Variants in VRK3 observed in about 807,000 individuals in gnomAD.
The protein encoded by VRK3 is VRK serine/threonine kinase 3, also known as serine/threonine-protein kinase VRK3.
Under a neutral mutation model 60.4 loss-of-function variants are expected in VRK3, and 50 were observed. The ratio of observed to expected loss-of-function variants is 0.83; its 90% CI spans 0.66 to 1.05. VRK3 has a LOEUF of 1.05. Among genes scored for constraint, VRK3 ranks in the 50% least tolerant of loss-of-function variants. VRK3 has a pLI of 0.00. For synonymous variants in VRK3, 246 were observed against 227.8 expected (o/e 1.08, Z -0.72); for missense variants, 549 against 585.3 (o/e 0.94, Z 0.64).
chr19:49,990,281 A>T (rs1457770583), intron 10 of VRK3, among the ~76,000 whole-genome samples: 1 of 152,224 alleles, frequency 6.6e-6, no homozygotes, highest in Non-Finnish European at 1.5e-5. Flanking sequence ...TGATGATAAT[A>T]ATAGTCCCCA....
chr19:49,988,479 G>T lies in VRK3; in HGVS notation c.1110C>A (p.Arg370=), dbSNP rs2076554938. ...DLHKGCGPSR[R]SDLQSLGYCM... Reference sequence around the variant, plus strand: ...AGTAGCCCAGGCTCTGGAGGTCGCTGCGGCGGGAGGGCCCTGGGGAAGGAG... The same window carrying T: ...AGTAGCCCAGGCTCTGGAGGTCGCTTCGGCGGGAGGGCCCTGGGGAAGGAG... Residue 370 remains arginine, a synonymous_variant, in exon 12 of 15, where the codon CGC becomes CGA. Transcript: ENST00000316763. 4.3e-6 allele frequency: 7 copies of T among 1,613,268 alleles called. No homozygotes were observed. The highest frequency in any genetic ancestry group is 5.1e-6 in the Non-Finnish European group (6 of 1,179,568).
chr19:50,013,841 T>C (rs1025071009), intron 3 of VRK3, among the ~76,000 whole-genome samples: 7 of 152,138 alleles, frequency 4.6e-5, no homozygotes, highest in African/African-American at 9.7e-5. Context: ...ATGTATTTAA[T>C]AGGGTTGAGA....
At chr19:50,016,854 T>C (rs1247397534) in intron 2 of VRK3, among the ~76,000 whole-genome samples, 2 of 141,472 alleles carry the variant, frequency 1.4e-5, no homozygotes, top group Non-Finnish European at 2.9e-5. Context: ...GCAGTTTGTA[T>C]TGCCCTTCAT....
chr19:49,995,123 TG>T, intron 8 of VRK3, 67 bp downstream of exon 8: 1 of 1,544,978 alleles, frequency 6.5e-7, no homozygotes, highest in Non-Finnish European at 8.9e-7. Context: ...GTCCCAGCCA[TG>T]CCTGGAGTCA....
At chr19:49,986,452 G>A (rs1250339618) in intron 12 of VRK3, 1 of 153,138 alleles carries the variant, frequency 6.5e-6, no homozygotes, top group Non-Finnish European at 1.5e-5. Context: ...GCTGAAGAGA[G>A]CCAGAGACAG....
rs3837939 is a variant in VRK3, at chr19:49,978,064, GC to G, written c.*11+1018del. Among the ~76,000 whole-genome samples the G allele has an allele frequency of 7.7e-3, 1,173 of 152,330 alleles. 67 individuals are homozygous for G. The East Asian group carries it at 0.17, about 22-fold the overall frequency. ...GTCAAAAGGAGATGCTGTTCAAGAT[GC>G]CCTGCGACTAGGATCTCACAATCGT... On this transcript the variant is annotated intron_variant, in intron 14 of 14. Coordinates refer to ENST00000316763, the MANE Select transcript of VRK3 (RefSeq NM_016440.4).
chr19:49,980,853 TAA>T, intron 13 of VRK3, 100 bp downstream of exon 13: 1 of 1,050,890 alleles, frequency 9.5e-7, no homozygotes. Context: ...TTTGGAAAAC[TAA>T]AAAAAATGAA....
intron 1 of VRK3, among the ~76,000 whole-genome samples, chr19:50,024,604 C>T (rs954245381): frequency 3.9e-5 from 6 of 152,290 alleles, no homozygotes; most frequent in African/African-American, 1.4e-4. Context: ...GCTATAATAA[C>T]CTGGGCTTGA....
chr19:49,981,217 T>C, intron 12 of VRK3: 1 of 605,052 alleles, frequency 1.7e-6, no homozygotes, highest in Non-Finnish European at 3.0e-6. Flanking sequence ...CACTGCTTCC[T>C]GCAAGCCTCT....
chr19:49,995,154 G>C, intron 8 of VRK3, 37 bp downstream of exon 8: 3 of 1,603,826 alleles, frequency 1.9e-6, no homozygotes. Context: ...GAAGAGGAAA[G>C]AGGCCGGTGA....
intron 6 of VRK3, chr19:50,000,053 T>A (rs2076773715): frequency 6.6e-6 from 1 of 152,270 alleles, no homozygotes; most frequent in African/African-American, 2.4e-5. Flanking sequence ...CCCACTCTCA[T>A]GGCCTCCACC....
At position 49,993,092 on chromosome 19, in the gene VRK3, C is replaced by T. The variant is rs768689931; in HGVS notation, c.871-140G>A. 260 of 682,760 alleles carry T rather than the reference C, an allele frequency of 3.8e-4. No individual in the cohort carries two copies. Among genetic ancestry groups the T allele is most frequent in the African/African-American group, 1.1e-3 (64 of 56,426 alleles). The allele number at this position is 682,760 out of a possible 1,614,324, so 42.3% of individuals were successfully genotyped here. A position where few individuals can be genotyped will look rare whatever the true frequency, so the allele number is the denominator to read the frequency against. ...ACTGGGGGTTAAACCTGACTAAATC[C>T]GGGGTAGCATGAGGAGCCCGCTGTG... On this transcript the variant is annotated intron_variant, in intron 9 of 14. Transcript: ENST00000316763.
chr19:49,992,268 G>A (rs530935911), intron 10 of VRK3, among the ~76,000 whole-genome samples: 13 of 152,302 alleles, frequency 8.5e-5, no homozygotes, highest in African/African-American at 2.6e-4. Context: ...TTAGCTAGGC[G>A]TAGTGGCGCA....
At chr19:50,020,296 C>T (rs890343914) in intron 2 of VRK3, among the ~76,000 whole-genome samples, 4 of 152,158 alleles carry the variant, frequency 2.6e-5, no homozygotes, top group Non-Finnish European at 5.9e-5. Flanking sequence ...CCGCCTCAGC[C>T]TCCCAAAGTG....
chr19:49,981,314 A>AG (rs368721399), intron 12 of VRK3: 9,128 of 348,352 alleles, frequency 0.026, 776 homozygotes, highest in African/African-American at 0.18. Flanking sequence ...TGGGAGGCCG[A>AG]GGGGGGTGGA....
At chr19:50,015,246 A>G (rs2077056573) in intron 3 of VRK3, among the ~76,000 whole-genome samples, 1 of 152,146 alleles carries the variant, frequency 6.6e-6, no homozygotes, top group Non-Finnish European at 1.5e-5. Context: ...AAAATGCTCC[A>G]AAATCTGAAA....
rs888727472 is a variant in VRK3 at position 50,007,562 on chromosome 19, A to G, written c.547+7T>C. On this transcript the variant is annotated splice_region_variant and intron_variant, in intron 5 of 14. Coordinates refer to ENST00000316763, the MANE Select transcript of VRK3 (RefSeq NM_016440.4). ...CCAGTCCCTGGCCGCCCATGGACAG[A>G]GTGTACCTTCATAGAGAATGCCCTG... 8.7e-6 allele frequency: 14 copies of G among 1,613,952 alleles called. No individual in the cohort carries two copies. Among genetic ancestry groups the G allele is most frequent in the African/African-American group, 1.3e-5 (1 of 74,910 alleles).
At chr19:50,000,908 C>T (rs1428890576) in intron 5 of VRK3, 54 bp from the exon 6 acceptor site, 2 of 1,525,636 alleles carry the variant, frequency 1.3e-6, no homozygotes, top group East Asian at 4.7e-5. Flanking sequence ...AGGTCAGGGT[C>T]ATCATCCCCA....
chr19:50,004,677 G>A (rs1258100198), intron 5 of VRK3, among the ~76,000 whole-genome samples: 2 of 152,146 alleles, frequency 1.3e-5, no homozygotes, highest in Non-Finnish European at 2.9e-5. Flanking sequence ...GGAGGCTGAG[G>A]CGGGAGGATC....
Sources: gnomAD v4.1 joint callset for allele counts (sites outside exome capture counted in the v4.1 genomes callset) on GRCh38, gnomAD v4.1.1 for gene constraint, MANE v1.5 for transcripts, NCBI Gene and HGNC (gene_info 2026-07-23, HGNC 2026-07-21) for gene names.